Variants in FBN2 observed in about 807,000 individuals in gnomAD.
The protein encoded by FBN2 is fibrillin-2.
Under a neutral mutation model 355.6 loss-of-function variants are expected in FBN2, and 105 were observed. The observed-to-expected ratio is 0.30, with a 90% CI of 0.25 to 0.35. The LOEUF is 0.35. Ranked by LOEUF, FBN2 falls within the 10% of genes least tolerant of loss-of-function variation. The pLI is 1.00. For synonymous variants in FBN2, 1,350 were observed against 1,301.2 expected (o/e 1.04, Z -0.81); for missense variants, 3,280 against 3,758.7 (o/e 0.87, Z 3.33).
intron 37 of FBN2, 116 bp downstream of exon 37, chr5:128,312,518 T>G: frequency 9.2e-7 from 1 of 1,086,068 alleles, no homozygotes; most frequent in Non-Finnish European, 1.4e-6. Flanking sequence ...TAGTTCAAAT[T>G]CAGTTTTTTT....
intron 5 of FBN2, among the ~76,000 whole-genome samples, chr5:128,496,773 GA>G (rs1202799106): frequency 6.6e-6 from 1 of 151,536 alleles, no homozygotes; most frequent in African/African-American, 2.4e-5. Flanking sequence ...TATACATTAT[GA>G]AAAAATATAT....
chr5:128,414,254 A>G (rs1753140127), intron 7 of FBN2, among the ~76,000 whole-genome samples: 1 of 152,140 alleles, frequency 6.6e-6, no homozygotes, highest in Non-Finnish European at 1.5e-5. Context: ...TCCCCCCCCA[A>G]GGAAATTCCA....
In FBN2 at chr5:128,384,429, C is replaced by A. The variant is rs187515066; in HGVS notation, c.1604-5539G>T. 2.8e-3 allele frequency among the ~76,000 whole-genome samples: 425 copies of A among 152,146 alleles called. 1 individual carries two copies. Among genetic ancestry groups the A allele is most frequent in the Non-Finnish European group, 4.5e-3 (308 of 67,994 alleles). ...ATATCAAAACTTATCAAGCTATATA[C>A]TTCAAATATATACAACTTATTGTAT... On this transcript the variant is annotated intron_variant, in intron 11 of 64. Transcript: ENST00000262464.
intron 5 of FBN2, among the ~76,000 whole-genome samples, chr5:128,483,628 T>C (rs999189512): frequency 2.0e-5 from 3 of 152,066 alleles, no homozygotes; most frequent in Admixed American, 6.6e-5. Context: ...ACTAATTCTA[T>C]GTTAAAGCCT....
chr5:128,286,574 A>G, intron 55 of FBN2, 144 bp downstream of exon 55: 1 of 928,500 alleles, frequency 1.1e-6, no homozygotes, highest in Admixed American at 1.9e-5. Context: ...AGAGACCCTG[A>G]GATGGAAGAA....
intron 52 of FBN2, among the ~76,000 whole-genome samples, chr5:128,288,813 G>T (rs1244716585): frequency 6.6e-6 from 1 of 152,206 alleles, no homozygotes; most frequent in Non-Finnish European, 1.5e-5. Flanking sequence ...GTGGTCCTCT[G>T]CTTCAAGAGC....
At chr5:128,377,924 T>C (rs780785421) in intron 12 of FBN2, 47 bp from the exon 13 acceptor site, 27 of 1,531,734 alleles carry the variant, frequency 1.8e-5, no homozygotes, top group Non-Finnish European at 2.3e-5. Flanking sequence ...ACAATACTTA[T>C]AGATAAACAC....
intron 8 of FBN2, among the ~76,000 whole-genome samples, chr5:128,399,676 AGTT>A (rs1752745094): frequency 6.6e-6 from 1 of 152,188 alleles, no homozygotes; most frequent in Non-Finnish European, 1.5e-5. Context: ...GATTTTAAAA[AGTT>A]GTGAGGGGAA....
intron 2 of FBN2, among the ~76,000 whole-genome samples, chr5:128,534,225 T>A (rs988613439): frequency 6.6e-6 from 1 of 152,190 alleles, no homozygotes; most frequent in Non-Finnish European, 1.5e-5. Context: ...AATGGTGTGA[T>A]ACAGATAAAT....
chr5:128,525,860 C>G (rs1178473562), intron 4 of FBN2, among the ~76,000 whole-genome samples: 1 of 152,114 alleles, frequency 6.6e-6, no homozygotes, highest in African/African-American at 2.4e-5. Context: ...GTGTGAAATT[C>G]AAATTCCAGT....
At chr5:128,310,881 T>A (rs1750037181) in intron 39 of FBN2, among the ~76,000 whole-genome samples, 1 of 152,244 alleles carries the variant, frequency 6.6e-6, no homozygotes, top group Non-Finnish European at 1.5e-5. Context: ...GAAGCAAGAA[T>A]GGCAGCTGCA....
At chr5:128,304,277 A>T (rs1749802758) in intron 45 of FBN2, among the ~76,000 whole-genome samples, 1 of 152,242 alleles carries the variant, frequency 6.6e-6, no homozygotes, top group African/African-American at 2.4e-5. Context: ...AACTGCTGAC[A>T]TCAGACTTAA....
chr5:128,307,233 T>A, intron 41 of FBN2, 30 bp from the exon 42 acceptor site: 1 of 1,283,406 alleles, frequency 7.8e-7, no homozygotes. Flanking sequence ...CAATGCACTC[T>A]TAAATTTCTC....
At chr5:128,352,199 A>C (rs1751386935) in intron 20 of FBN2, among the ~76,000 whole-genome samples, 1 of 151,854 alleles carries the variant, frequency 6.6e-6, no homozygotes, top group Non-Finnish European at 1.5e-5. Context: ...ATTTTCTTTC[A>C]GGCACTTAAA....
intron 56 of FBN2, 150 bp from the exon 57 acceptor site, chr5:128,278,991 A>G: frequency 1.4e-6 from 1 of 711,082 alleles, no homozygotes; most frequent in Non-Finnish European, 2.5e-6. Flanking sequence ...CTGGCAGTTA[A>G]GTTCATAGCA....
chr5:128,268,031 CA>C (rs1300374497), intron 62 of FBN2, among the ~76,000 whole-genome samples: 1 of 152,052 alleles, frequency 6.6e-6, no homozygotes, highest in Non-Finnish European at 1.5e-5. Flanking sequence ...TAACTAAGAT[CA>C]GAGCAGAATT....
At chr5:128,269,265 AT>A (rs1424186899) in intron 62 of FBN2, among the ~76,000 whole-genome samples, 1 of 144,766 alleles carries the variant, frequency 6.9e-6, no homozygotes, top group East Asian at 2.5e-4. Context: ...AAATACAATA[AT>A]AATAATAATA....
intron 6 of FBN2, among the ~76,000 whole-genome samples, chr5:128,461,427 G>A (rs1318276347): frequency 6.6e-6 from 1 of 152,212 alleles, no homozygotes; most frequent in African/African-American, 2.4e-5. Context: ...TTCAACCATT[G>A]TGGAAGACAG....
intron 42 of FBN2, among the ~76,000 whole-genome samples, 154 bp downstream of exon 42, chr5:128,306,980 TC>T (rs755617802): frequency 5.3e-5 from 8 of 152,162 alleles, no homozygotes; most frequent in Non-Finnish European, 8.8e-5. Flanking sequence ...TTGGTTAGAG[TC>T]TGTAAGCCTG....
Sources: gnomAD v4.1 joint callset for allele counts (sites outside exome capture counted in the v4.1 genomes callset) on GRCh38, gnomAD v4.1.1 for gene constraint, MANE v1.5 for transcripts, NCBI Gene and HGNC (gene_info 2026-07-23, HGNC 2026-07-21) for gene names.